TSPAN7: variants seen among roughly 807,000 people sequenced by gnomAD.
TSPAN7 encodes the protein tetraspanin-7.
In TSPAN7, 1 loss-of-function variant was observed where a neutral mutation model predicts 17.6. The ratio of observed to expected loss-of-function variants is 0.06; its 90% CI spans 0.02 to 0.27. The LOEUF (loss-of-function observed/expected upper bound fraction) is 0.27, where lower values mean the gene tolerates loss of function less well. Ranked by LOEUF, TSPAN7 falls within the 10% of genes least tolerant of loss-of-function variation. The pLI, the probability that TSPAN7 is intolerant of heterozygous loss-of-function variation, is 1.00. For missense variants in TSPAN7, 112 were observed against 201.7 expected (o/e 0.56, Z 2.69); for synonymous variants, 78 against 79.0 (o/e 0.99, Z 0.07).
chrX:38,652,335 G>A (rs2069680025), intron 1 of TSPAN7, among the ~76,000 whole-genome samples: 1 of 111,921 alleles, frequency 8.9e-6, no homozygotes, highest in African/African-American at 3.3e-5. Context: ...TGTAACTTAG[G>A]CCTTCCTGCT....
chrX:38,673,353 G>A (rs966313511), intron 3 of TSPAN7, among the ~76,000 whole-genome samples: 3 of 106,396 alleles, frequency 2.8e-5, no homozygotes, highest in Non-Finnish European at 5.8e-5. Context: ...TAACAGAAAA[G>A]GTTTTGTTAA....
Position 38,666,019 on chromosome X carries a change from T to C in TSPAN7, c.82-102T>C, listed in dbSNP as rs1421390424. 4 of 771,200 alleles carry C rather than the reference T, an allele frequency of 5.2e-6. No individual in the cohort carries two copies. The East Asian group carries it at 1.3e-4, about 26-fold the overall frequency. The allele number at this position is 771,200 out of a possible 1,213,427, so 63.6% of individuals were successfully genotyped here. On this transcript the variant is annotated intron_variant, in intron 1 of 7. Coordinates refer to ENST00000378482, the MANE Select transcript of TSPAN7 (RefSeq NM_004615.4). The stretch of plus-strand genomic sequence containing the variant: ...TCAGGGAATCCTACAGCAAGTACCG[T>C]CTTATTCACGGAAACTTGAGTCTTC...
At chrX:38,564,475 A>G (rs922755489) in intron 1 of TSPAN7, among the ~76,000 whole-genome samples, 1 of 112,069 alleles carries the variant, frequency 8.9e-6, no homozygotes. Flanking sequence ...TTGTGTGAAC[A>G]TGTCTTCATT....
At chrX:38,654,257 G>A (rs187373889) in intron 1 of TSPAN7, among the ~76,000 whole-genome samples, 1 of 111,992 alleles carries the variant, frequency 8.9e-6, no homozygotes, top group Non-Finnish European at 1.9e-5. Flanking sequence ...AGGGCACACA[G>A]ATAGTAAGCA....
chrX:38,651,412 C>A (rs1368696601), intron 1 of TSPAN7, among the ~76,000 whole-genome samples: 4 of 111,796 alleles, frequency 3.6e-5, no homozygotes, highest in Non-Finnish European at 5.6e-5. Flanking sequence ...TTGCAGTGAG[C>A]TGAGATCACA....
At chrX:38,624,499 T>A (rs2069509611) in intron 1 of TSPAN7, among the ~76,000 whole-genome samples, 1 of 112,514 alleles carries the variant, frequency 8.9e-6, no homozygotes, top group East Asian at 2.8e-4. Flanking sequence ...AATGTTGACT[T>A]CTCTAAGTAA....
At chrX:38,675,985 G>A in intron 5 of TSPAN7, 125 bp downstream of exon 5, 3 of 911,303 alleles carry the variant, frequency 3.3e-6, no homozygotes, top group Non-Finnish European at 4.6e-6. Flanking sequence ...CTTACTTTGT[G>A]GTTCCTTGAT....
At chrX:38,585,644 C>A (rs1278323223) in intron 1 of TSPAN7, among the ~76,000 whole-genome samples, 1 of 111,810 alleles carries the variant, frequency 8.9e-6, no homozygotes, top group African/African-American at 3.3e-5. Flanking sequence ...CCCCTCCAAG[C>A]TTCATGTTGA....
chrX:38,630,695 C>T (rs1053171773), intron 1 of TSPAN7, among the ~76,000 whole-genome samples: 2 of 111,053 alleles, frequency 1.8e-5, no homozygotes, highest in African/African-American at 6.5e-5. Flanking sequence ...TTTTTAAATC[C>T]CTCTCATTTT....
At chrX:38,652,974 A>G (rs769611215) in intron 1 of TSPAN7, among the ~76,000 whole-genome samples, 4 of 112,016 alleles carry the variant, frequency 3.6e-5, no homozygotes, top group Admixed American at 9.5e-5. Flanking sequence ...GGACAGAGGA[A>G]CTCAGCCCTT....
intron 1 of TSPAN7, among the ~76,000 whole-genome samples, chrX:38,645,127 C>A (rs192837175): frequency 1.8e-5 from 2 of 112,267 alleles, no homozygotes; most frequent in Non-Finnish European, 3.8e-5. Context: ...CACTCATACA[C>A]CAACACCAGT....
At chrX:38,570,936 CAGTT>C (rs2069166132) in intron 1 of TSPAN7, 1 of 111,844 alleles carries the variant, frequency 8.9e-6, no homozygotes, top group Non-Finnish European at 1.9e-5. Context: ...GTTATTTGAT[CAGTT>C]AAACAGGTAA....
At chrX:38,614,713 A>C (rs1312251694) in intron 1 of TSPAN7, among the ~76,000 whole-genome samples, 4 of 112,615 alleles carry the variant, frequency 3.6e-5, no homozygotes, top group Non-Finnish European at 7.5e-5. Flanking sequence ...AAGGTCATTC[A>C]TGGGCACTGT....
intron 1 of TSPAN7, among the ~76,000 whole-genome samples, chrX:38,660,606 A>G (rs2069738127): frequency 8.9e-6 from 1 of 112,393 alleles, no homozygotes; most frequent in Non-Finnish European, 1.9e-5. Flanking sequence ...ATATTTCACA[A>G]TACCTTTGTG....
At chrX:38,629,945 T>C (rs2147428802) in intron 1 of TSPAN7, among the ~76,000 whole-genome samples, 1 of 112,165 alleles carries the variant, frequency 8.9e-6, no homozygotes, top group African/African-American at 3.2e-5. Context: ...GGCTCTAAAA[T>C]TGGCCTAATT....
intron 6 of TSPAN7, among the ~76,000 whole-genome samples, chrX:38,683,302 A>G (rs2069903808): frequency 1.8e-5 from 2 of 112,616 alleles, no homozygotes; most frequent in South Asian, 7.3e-4. Flanking sequence ...ACACATCCCA[A>G]TGAAGAAATG....
intron 3 of TSPAN7, among the ~76,000 whole-genome samples, chrX:38,672,603 C>G (rs904877479): frequency 1.8e-5 from 2 of 111,526 alleles, no homozygotes; most frequent in Non-Finnish European, 3.8e-5. Flanking sequence ...AAGTGCCCCT[C>G]GTGCATGTAT....
chrX:38,615,283 C>T (rs2069448944), intron 1 of TSPAN7, among the ~76,000 whole-genome samples: 1 of 111,300 alleles, frequency 9.0e-6, no homozygotes, highest in South Asian at 3.8e-4. Context: ...TATAGCTAGC[C>T]CTTTTCCTAT....
chrX:38,588,195 G>A (rs1045002671), intron 1 of TSPAN7, among the ~76,000 whole-genome samples: 5 of 110,982 alleles, frequency 4.5e-5, no homozygotes, highest in African/African-American at 1.6e-4. Flanking sequence ...GTTTGCTAAT[G>A]CGTCTCTAGG....
Sources: gnomAD v4.1 joint callset for allele counts (sites outside exome capture counted in the v4.1 genomes callset) on GRCh38, gnomAD v4.1.1 for gene constraint, MANE v1.5 for transcripts, NCBI Gene and HGNC (gene_info 2026-07-23, HGNC 2026-07-21) for gene names.